Variants in DGKD observed in about 807,000 individuals in gnomAD.
DGKD encodes DAG kinase delta.
In DGKD, 68 loss-of-function variants were observed where a neutral mutation model predicts 154.4. That is an observed-to-expected ratio of 0.44 (90% confidence interval 0.36 to 0.54). The LOEUF is 0.54. DGKD is among the 20% of genes least tolerant of loss of function. The pLI is 0.00. For synonymous variants in DGKD, 693 were observed against 638.0 expected (o/e 1.09, Z -1.30); for missense variants, 1,343 against 1,593.6 (o/e 0.84, Z 2.68).
Position 233,361,430 on chromosome 2 carries a change from G to A in DGKD, c.156+6756G>A, listed in dbSNP as rs114350625. Among the ~76,000 whole-genome samples, 816 of 152,302 alleles carry A rather than the reference G, an allele frequency of 5.4e-3. 7 individuals are homozygous for A. Among genetic ancestry groups the A allele is most frequent in the African/African-American group, 0.019 (770 of 41,566 alleles). On this transcript the variant is annotated intron_variant, in intron 1 of 29. Transcript: ENST00000264057. Reference sequence around the variant, plus strand: ...GGCCTCTAATGACTTTCACGAGTCTGTTTGTACGTTCATGATTGTGCATAC... The same window carrying A: ...GGCCTCTAATGACTTTCACGAGTCTATTTGTACGTTCATGATTGTGCATAC...
intron 3 of DGKD, among the ~76,000 whole-genome samples, chr2:233,394,222 A>T (rs1228109748): frequency 2.6e-5 from 4 of 152,208 alleles, no homozygotes; most frequent in Non-Finnish European, 5.9e-5. Context: ...ATTTGTTAAT[A>T]AAGATTAATA....
Position 233,438,466 on chromosome 2 carries a change from C to A in DGKD, c.1085+87C>A. ...TTGTTAAAAAAAAAAAGTTCAAAGACACAAAGCTTTAAATAGGAAAGAAAA... is the reference window on the plus strand; with the variant it reads ...TTGTTAAAAAAAAAAAGTTCAAAGAAACAAAGCTTTAAATAGGAAAGAAAA... On this transcript the variant is annotated intron_variant, in intron 9 of 29. Transcript: ENST00000264057. The surrounding 1 kb of genome is among the most constrained non-coding windows in gnomAD (Gnocchi z 4.1). 1 of 1,445,332 alleles carries A rather than the reference C, an allele frequency of 6.9e-7. No homozygotes were observed. Among genetic ancestry groups the A allele is most frequent in the Non-Finnish European group, 9.3e-7 (1 of 1,072,470 alleles). The allele number at this position is 1,445,332 out of a possible 1,614,324, so 89.5% of individuals were successfully genotyped here. A position where few individuals can be genotyped will look rare whatever the true frequency, so the allele number is the denominator to read the frequency against.
chr2:233,451,883 C>T, intron 17 of DGKD, 81 bp from the exon 18 acceptor site: 1 of 1,156,224 alleles, frequency 8.6e-7, no homozygotes, highest in South Asian at 1.3e-5. Flanking sequence ...GAATACCGGT[C>T]CACCAGCTTC....
In DGKD at chr2:233,459,466, T is replaced by C. The variant is rs533902075; in HGVS notation, c.2695-291T>C. ...TGGCTTCTGGGAGCTACAACACCCCTGCCCCTGGGTTCTGACACCTGTTGT... is the reference window on the plus strand; with the variant it reads ...TGGCTTCTGGGAGCTACAACACCCCCGCCCCTGGGTTCTGACACCTGTTGT... On this transcript the variant is annotated intron_variant, in intron 22 of 29. Coordinates refer to ENST00000264057, the MANE Select transcript of DGKD (RefSeq NM_152879.3). This position sits in a 1 kb window ranked among gnomAD's most constrained non-coding sequence, Gnocchi z 5.7. Among the ~76,000 whole-genome samples the C allele has an allele frequency of 1.4e-5, 2 of 145,272 alleles. No homozygotes were observed. The highest frequency in any genetic ancestry group is 2.4e-4 in the South Asian group (1 of 4,154).
At chr2:233,398,177 C>G (rs1404226693) in intron 3 of DGKD, among the ~76,000 whole-genome samples, 1 of 145,496 alleles carries the variant, frequency 6.9e-6, no homozygotes, top group African/African-American at 2.6e-5. Flanking sequence ...GAGTCTCGCT[C>G]TGTTGCCCAG....
At chr2:233,396,711 ATGTGTGTC>A (rs1243097974) in intron 3 of DGKD, among the ~76,000 whole-genome samples, 1 of 151,996 alleles carries the variant, frequency 6.6e-6, no homozygotes, top group African/African-American at 2.4e-5. Context: ...CTGAGAGGGT[ATGTGTGTC>A]TGTGTGTTGG....
At chr2:233,398,356 A>G (rs6723558) in intron 3 of DGKD, among the ~76,000 whole-genome samples, 51,329 of 151,468 alleles carry the variant, frequency 0.34, 9,459 homozygotes, top group East Asian at 0.43. Flanking sequence ...AGCGTTAGCC[A>G]GGATGGTCTC....
chr2:233,434,533 A>C, intron 4 of DGKD, 49 bp downstream of exon 4: 2 of 1,556,758 alleles, frequency 1.3e-6, no homozygotes, highest in Non-Finnish European at 1.8e-6. Flanking sequence ...TGCCTCCCTC[A>C]CCCCAGTGTC....
At chr2:233,407,892 C>T (rs1482342296) in intron 3 of DGKD, among the ~76,000 whole-genome samples, 1 of 152,204 alleles carries the variant, frequency 6.6e-6, no homozygotes, top group Admixed American at 6.5e-5. Context: ...GACATCAGCC[C>T]AGAGGATGGT....
intron 1 of DGKD, among the ~76,000 whole-genome samples, chr2:233,368,084 G>A (rs893778391): frequency 1.3e-5 from 2 of 151,792 alleles, no homozygotes; most frequent in African/African-American, 2.4e-5. Context: ...ACCCCAAATG[G>A]TTTCCATATT....
chr2:233,368,435 C>A (rs536704337), intron 1 of DGKD, among the ~76,000 whole-genome samples: 34 of 152,160 alleles, frequency 2.2e-4, no homozygotes, highest in South Asian at 1.5e-3. Flanking sequence ...TCGCATGAAC[C>A]CAGGAGGAGG....
At chr2:233,418,861 GAC>G (rs1392295833) in intron 3 of DGKD, among the ~76,000 whole-genome samples, 2 of 152,188 alleles carry the variant, frequency 1.3e-5, no homozygotes, top group African/African-American at 2.4e-5. Flanking sequence ...GGCGGGGTCT[GAC>G]ACAGTGCTGT....
intron 1 of DGKD, among the ~76,000 whole-genome samples, chr2:233,372,624 C>A (rs1384958387): frequency 6.6e-6 from 1 of 151,172 alleles, no homozygotes; most frequent in Non-Finnish European, 1.5e-5. Context: ...TTTTTTCTTA[C>A]ATTTAAGGGA....
chr2:233,434,655 A>G, intron 4 of DGKD, 114 bp from the exon 5 acceptor site: 1 of 1,528,892 alleles, frequency 6.5e-7, no homozygotes, highest in East Asian at 2.3e-5. Flanking sequence ...CCTGTCCTTT[A>G]TAAACCTTCC....
rs1380682679 is a variant in DGKD, at chr2:233,459,681, A to C, written c.2695-76A>C. The C allele has an allele frequency of 1.4e-5, 22 of 1,555,978 alleles. No individual in the cohort carries two copies. The highest frequency in any genetic ancestry group is 1.9e-5 in the Non-Finnish European group (22 of 1,148,772). On this transcript the variant is annotated intron_variant, in intron 22 of 29. Coordinates refer to ENST00000264057, the MANE Select transcript of DGKD (RefSeq NM_152879.3). This position sits in a 1 kb window ranked among gnomAD's most constrained non-coding sequence, Gnocchi z 5.7. ...GACGGGTGTGTGGAGCAGGAAGGTC[A>C]TGGTGGTGCTGATAGCACTTTTAAA...
At chr2:233,381,335 G>GTTTT (rs1440873625) in intron 1 of DGKD, among the ~76,000 whole-genome samples, 1 of 152,224 alleles carries the variant, frequency 6.6e-6, no homozygotes, top group East Asian at 1.9e-4. Context: ...TGTGGGTAGT[G>GTTTT]TTTTGAGTAG....
chr2:233,411,992 A>G (rs1199809172), intron 3 of DGKD, among the ~76,000 whole-genome samples: 1 of 152,132 alleles, frequency 6.6e-6, no homozygotes, highest in Non-Finnish European at 1.5e-5. Context: ...GTCTGCCTTT[A>G]CTGAAATAAT....
At chr2:233,439,311 G>T (rs1198109525) in intron 9 of DGKD, among the ~76,000 whole-genome samples, 1 of 152,136 alleles carries the variant, frequency 6.6e-6, no homozygotes, top group African/African-American at 2.4e-5. Flanking sequence ...TGTGAACCTC[G>T]GCCAGCTCCC....
Position 233,460,186 on chromosome 2 carries a change from G to A in DGKD, c.2830-8G>A. 6.2e-7 allele frequency: 1 copy of A among 1,613,688 alleles called. No homozygotes were observed. The highest frequency in any genetic ancestry group is 1.1e-5 in the South Asian group (1 of 91,070). ...GCAGCAGGTGTAATTGGGCTTTCGGGTCCATAGGCATTTGAGAGCACCCTG... is the reference window on the plus strand; with the variant it reads ...GCAGCAGGTGTAATTGGGCTTTCGGATCCATAGGCATTTGAGAGCACCCTG... On this transcript the variant is annotated splice_polypyrimidine_tract_variant and splice_region_variant and intron_variant, in intron 23 of 29. Transcript: ENST00000264057.
Sources: allele counts gnomAD v4.1 joint callset (sites outside exome capture counted in the v4.1 genomes callset), GRCh38; gene constraint gnomAD v4.1.1; non-coding constraint Gnocchi (gnomAD v3.1); transcripts MANE v1.5; gene names NCBI Gene and HGNC (gene_info 2026-07-23, HGNC 2026-07-21).